The following TNFRSF19 variants were observed in gnomAD, a reference collection of about 807,000 sequenced individuals.
The protein encoded by TNFRSF19 is TNF receptor superfamily member 19, also known as tumor necrosis factor receptor superfamily member 19.
Under a neutral mutation model 46.4 loss-of-function variants are expected in TNFRSF19, and 27 were observed. The observed-to-expected ratio is 0.58, with a 90% CI of 0.43 to 0.80. TNFRSF19 has a LOEUF of 0.80. Among genes scored for constraint, TNFRSF19 ranks in the 30% least tolerant of loss-of-function variants. TNFRSF19 has a pLI of 0.00. For missense variants in TNFRSF19, 511 were observed against 530.8 expected (o/e 0.96, Z 0.37); for synonymous variants, 204 against 205.0 (o/e 1.00, Z 0.04).
chr13:23,673,003 T>C (rs1303678039), intron 9 of TNFRSF19, among the ~76,000 whole-genome samples: 1 of 152,204 alleles, frequency 6.6e-6, no homozygotes, highest in African/African-American at 2.4e-5. Context: ...CCTAAAATAT[T>C]TACCTACAAA....
At chr13:23,636,478 T>C (rs926620547) in intron 5 of TNFRSF19, among the ~76,000 whole-genome samples, 1 of 152,140 alleles carries the variant, frequency 6.6e-6, no homozygotes, top group African/African-American at 2.4e-5. Context: ...GGGACAGCTA[T>C]CTTGAATGCT....
At position 23,633,108 on chromosome 13, in the gene TNFRSF19, C is replaced by T. The variant is rs540936934; in HGVS notation, c.445+6316C>T. ...GGGATGATCAAATTACACTTGTTGACGTCTTTTTTTTTTTTTTTTTGAGAC... is the reference window on the plus strand; with the variant it reads ...GGGATGATCAAATTACACTTGTTGATGTCTTTTTTTTTTTTTTTTTGAGAC... On this transcript the variant is annotated intron_variant, in intron 5 of 9. Transcript: ENST00000248484. 5.9e-3 allele frequency among the ~76,000 whole-genome samples: 730 copies of T among 124,722 alleles called. 6 individuals are homozygous for T. The highest frequency in any genetic ancestry group is 1.0e-2 in the Non-Finnish European group (587 of 58,774). The allele number at this position is 124,722 out of a possible 152,430, so 81.8% of individuals were successfully genotyped here. A position where few individuals can be genotyped will look rare whatever the true frequency, so the allele number is the denominator to read the frequency against.
intron 3 of TNFRSF19, among the ~76,000 whole-genome samples, chr13:23,606,905 C>A (rs1043768271): frequency 4.6e-5 from 7 of 152,130 alleles, no homozygotes; most frequent in African/African-American, 1.7e-4. Flanking sequence ...GTGATTTCTT[C>A]TTTTCATTGT....
chr13:23,637,733 C>G (rs937109124), intron 5 of TNFRSF19, among the ~76,000 whole-genome samples: 1 of 152,236 alleles, frequency 6.6e-6, no homozygotes, highest in African/African-American at 2.4e-5. Flanking sequence ...TCACAGATTA[C>G]TTCTTCAAAT....
At chr13:23,630,706 A>G (rs564328233) in intron 5 of TNFRSF19, among the ~76,000 whole-genome samples, 1 of 152,348 alleles carries the variant, frequency 6.6e-6, no homozygotes, top group East Asian at 1.9e-4. Context: ...AAGGAGAAAT[A>G]GAGAAAAATA....
At chr13:23,646,138 A>C (rs943902552) in intron 5 of TNFRSF19, among the ~76,000 whole-genome samples, 1 of 151,680 alleles carries the variant, frequency 6.6e-6, no homozygotes, top group African/African-American at 2.4e-5. Context: ...CCAGTGCGGC[A>C]CCCCCCGGCC....
intron 5 of TNFRSF19, among the ~76,000 whole-genome samples, chr13:23,638,275 C>A (rs1593277214): frequency 9.1e-6 from 1 of 109,620 alleles, no homozygotes; most frequent in Middle Eastern, 4.5e-3. Context: ...CATTGTGCAG[C>A]TTTTAATTGT....
intron 2 of TNFRSF19, among the ~76,000 whole-genome samples, chr13:23,590,461 A>G (rs1427371622): frequency 6.6e-6 from 1 of 152,004 alleles, no homozygotes; most frequent in Non-Finnish European, 1.5e-5. Context: ...CAGCCTCCCG[A>G]GTCACTGGGA....
chr13:23,582,273 C>A (rs1354660548), intron 1 of TNFRSF19, among the ~76,000 whole-genome samples: 1 of 149,514 alleles, frequency 6.7e-6, no homozygotes, highest in Non-Finnish European at 1.5e-5. Flanking sequence ...TGGTGGCGGG[C>A]GCCTGTAGTC....
chr13:23,627,500 T>A (rs1200552462), intron 5 of TNFRSF19, among the ~76,000 whole-genome samples: 1 of 152,186 alleles, frequency 6.6e-6, no homozygotes, highest in Non-Finnish European at 1.5e-5. Flanking sequence ...CTCTTTTTAA[T>A]CCTAAGTACA....
chr13:23,642,625 C>T (rs1883094861), intron 5 of TNFRSF19, among the ~76,000 whole-genome samples: 1 of 152,118 alleles, frequency 6.6e-6, no homozygotes, highest in Admixed American at 6.5e-5. Flanking sequence ...GTTTTAAAGC[C>T]AAGAAAGAGG....
intron 5 of TNFRSF19, among the ~76,000 whole-genome samples, chr13:23,654,957 A>G (rs1883884832): frequency 6.6e-6 from 1 of 152,220 alleles, no homozygotes; most frequent in South Asian, 2.1e-4. Flanking sequence ...CATTTGCAGC[A>G]TCTGAGAAGT....
chr13:23,617,347 A>G (rs1404954556), intron 4 of TNFRSF19, among the ~76,000 whole-genome samples: 1 of 152,212 alleles, frequency 6.6e-6, no homozygotes, highest in Non-Finnish European at 1.5e-5. Context: ...GAGAGGGACC[A>G]CACCTGGGCC....
intron 5 of TNFRSF19, among the ~76,000 whole-genome samples, chr13:23,655,927 A>G (rs1593291822): frequency 6.6e-6 from 1 of 152,230 alleles, no homozygotes; most frequent in Non-Finnish European, 1.5e-5. Flanking sequence ...GCTATATGTG[A>G]CAAAGCTAAA....
At chr13:23,630,980 G>A (rs747657428) in intron 5 of TNFRSF19, among the ~76,000 whole-genome samples, 23 of 152,100 alleles carry the variant, frequency 1.5e-4, no homozygotes, top group Non-Finnish European at 3.2e-4. Flanking sequence ...CACTGTGTGA[G>A]AGAAAAGAAA....
At chr13:23,666,546 C>T (rs1157875203) in intron 7 of TNFRSF19, among the ~76,000 whole-genome samples, 4 of 152,240 alleles carry the variant, frequency 2.6e-5, no homozygotes, top group African/African-American at 9.6e-5. Context: ...CAGGCTGGCT[C>T]ATGTGCCATT....
intron 5 of TNFRSF19, among the ~76,000 whole-genome samples, chr13:23,657,173 A>G (rs1884035608): frequency 6.6e-6 from 1 of 152,238 alleles, no homozygotes. Flanking sequence ...CCAGATGGCA[A>G]TAAGAGACTT....
At chr13:23,673,282 G>C (rs1951785122) in intron 9 of TNFRSF19, 90 bp from the exon 10 acceptor site, 1 of 1,426,376 alleles carries the variant, frequency 7.0e-7, no homozygotes, top group Admixed American at 2.1e-5. Flanking sequence ...ACTAGTAAAA[G>C]TTATGCATAA....
intron 1 of TNFRSF19, among the ~76,000 whole-genome samples, chr13:23,578,699 G>T (rs1258638376): frequency 6.6e-6 from 1 of 152,234 alleles, no homozygotes; most frequent in South Asian, 2.1e-4. Flanking sequence ...TTCTACTGGT[G>T]GAAAAGTATT....
Sources: allele counts gnomAD v4.1 joint callset (sites outside exome capture counted in the v4.1 genomes callset), GRCh38; gene constraint gnomAD v4.1.1; transcripts MANE v1.5; gene names NCBI Gene and HGNC (gene_info 2026-07-23, HGNC 2026-07-21).